The following OR7E24 variants were observed in gnomAD, a reference collection of about 807,000 sequenced individuals.
The protein encoded by OR7E24 is olfactory receptor 7E24.
For missense variants in OR7E24, 385 were observed against 410.3 expected (o/e 0.94, Z 0.53); for synonymous variants, 130 against 157.5 (o/e 0.83, Z 1.31).
upstream of OR7E24, chr19:9,250,796 A>G (rs1274242138): frequency 1.5e-5 from 5 of 343,228 alleles, no homozygotes; most frequent in East Asian, 2.7e-4. Context: ...GCTATATTTT[A>G]CCGTGATCAT....
chr19:9,246,527 C>T (rs919550306), upstream of OR7E24, among the ~76,000 whole-genome samples: 1 of 138,828 alleles, frequency 7.2e-6, no homozygotes, highest in Non-Finnish European at 1.6e-5. Context: ...TTCTTCTCCC[C>T]TTGTGCGTTT....
chr19:9,230,044 G>GT, the OR7E24 span, among the ~76,000 whole-genome samples: 67 of 124,448 alleles, frequency 5.4e-4, no homozygotes, highest in African/African-American at 2.5e-3. Flanking sequence ...TGAAGTTCCT[G>GT]TATTTTTTTT....
chr19:9,222,766 CT>C, the OR7E24 span, among the ~76,000 whole-genome samples: 1 of 152,158 alleles, frequency 6.6e-6, no homozygotes, highest in Admixed American at 6.5e-5. Context: ...TAACTTCTTA[CT>C]TTCCAGTTTG....
chr19:9,239,868 C>G, the OR7E24 span, among the ~76,000 whole-genome samples: 1 of 151,800 alleles, frequency 6.6e-6, no homozygotes, highest in African/African-American at 2.4e-5. Context: ...GCCACAGTGC[C>G]CGGCAAATTT....
upstream of OR7E24, among the ~76,000 whole-genome samples, chr19:9,242,397 C>A (rs922030478): frequency 6.6e-6 from 1 of 152,106 alleles, no homozygotes; most frequent in Non-Finnish European, 1.5e-5. Flanking sequence ...TAAGTGTGCA[C>A]CACCACACCT....
At chr19:9,224,180 C>CT in the OR7E24 span, among the ~76,000 whole-genome samples, 1 of 151,992 alleles carries the variant, frequency 6.6e-6, no homozygotes, top group East Asian at 1.9e-4. Context: ...GTGCAGCTTT[C>CT]TCATGCCTCT....
the OR7E24 span, chr19:9,209,250 G>A: frequency 6.6e-6 from 1 of 152,102 alleles, no homozygotes; most frequent in South Asian, 2.1e-4. Context: ...TCTTAAACGT[G>A]GGACTTTTGA....
At chr19:9,232,842 T>C in the OR7E24 span, among the ~76,000 whole-genome samples, 1 of 152,084 alleles carries the variant, frequency 6.6e-6, no homozygotes. Flanking sequence ...CTGCTTCCAC[T>C]AAGTGACGGG....
chr19:9,216,018 G>T, the OR7E24 span, among the ~76,000 whole-genome samples: 1 of 152,104 alleles, frequency 6.6e-6, no homozygotes, highest in Non-Finnish European at 1.5e-5. Context: ...ATGGATGGTG[G>T]CAGGCAAAGA....
the OR7E24 span, among the ~76,000 whole-genome samples, chr19:9,239,675 A>C: frequency 6.7e-3 from 984 of 147,452 alleles, 4 homozygotes; most frequent in Non-Finnish European, 9.7e-3. Context: ...GTTGCATTTC[A>C]TACAGTCTTA....
chr19:9,214,663 T>C, the OR7E24 span: 2 of 1,613,832 alleles, frequency 1.2e-6, no homozygotes, highest in Middle Eastern at 1.6e-4. Context: ...AAGAAGTACA[T>C]GGGGGTGTGG....
chr19:9,224,970 A>G, the OR7E24 span, among the ~76,000 whole-genome samples: 1 of 152,208 alleles, frequency 6.6e-6, no homozygotes, highest in African/African-American at 2.4e-5. Context: ...CAATGGTCAA[A>G]TGCAACAGAC....
the OR7E24 span, among the ~76,000 whole-genome samples, chr19:9,242,078 A>G: frequency 6.6e-6 from 1 of 152,146 alleles, no homozygotes; most frequent in Non-Finnish European, 1.5e-5. Flanking sequence ...AAAATTACCC[A>G]TTTGCATGTT....
At chr19:9,213,789 T>C in the OR7E24 span, 11 of 755,122 alleles carry the variant, frequency 1.5e-5, no homozygotes, top group African/African-American at 1.6e-4. Context: ...CAACCAAAAA[T>C]CCCACATCAA....
the OR7E24 span, chr19:9,214,572 C>T: frequency 3.1e-6 from 5 of 1,614,130 alleles, no homozygotes; most frequent in South Asian, 1.1e-5. Context: ...GATGTCTTTG[C>T]TCCGTGCCTG....
chr19:9,226,823 AG>A, the OR7E24 span, among the ~76,000 whole-genome samples: 1 of 152,178 alleles, frequency 6.6e-6, no homozygotes, highest in African/African-American at 2.4e-5. Flanking sequence ...TGAGAACAGA[AG>A]CACAAAGTCC....
chr19:9,237,635 T>C, the OR7E24 span, among the ~76,000 whole-genome samples: 1 of 152,160 alleles, frequency 6.6e-6, no homozygotes, highest in Non-Finnish European at 1.5e-5. Context: ...TATTTGTTAA[T>C]GTTAATTTCC....
rs1411398751 is a variant in OR7E24 at position 9,252,135 on chromosome 19, T to A, written c.*72T>A. On this transcript the variant is annotated 3_prime_UTR_variant, in exon 1 of 1. Coordinates refer to ENST00000456448, the MANE Select transcript of OR7E24 (RefSeq NM_001079935.2). ...TGGTCACATTATTTTGGTTGCTTGA[T>A]GGCTTTCATTCCTCTCTGGGTTTCG... 1 of 1,281,984 alleles carries A rather than the reference T, an allele frequency of 7.8e-7. No individual in the cohort carries two copies. The allele number at this position is 1,281,984 out of a possible 1,614,324, so 79.4% of individuals were successfully genotyped here.
the OR7E24 span, chr19:9,210,188 T>G: frequency 6.6e-6 from 1 of 152,214 alleles, no homozygotes; most frequent in African/African-American, 2.4e-5. Context: ...CACTGATAAA[T>G]AGCATCCTTT....
Sources: allele counts gnomAD v4.1 joint callset (sites outside exome capture counted in the v4.1 genomes callset), GRCh38; gene constraint gnomAD v4.1.1; transcripts MANE v1.5; gene names NCBI Gene and HGNC (gene_info 2026-07-23, HGNC 2026-07-21).